RHOH: variants seen among roughly 807,000 people sequenced by gnomAD.
RHOH encodes rho-related GTP-binding protein RhoH.
In RHOH, 6 loss-of-function variants were observed where a neutral mutation model predicts 13.8. That is an observed-to-expected ratio of 0.44 (90% confidence interval 0.24 to 0.86). RHOH has a LOEUF of 0.86. Ranked by LOEUF, RHOH falls within the 40% of genes least tolerant of loss-of-function variation. The pLI is 0.24. For synonymous variants in RHOH, 117 were observed against 103.0 expected (o/e 1.14, Z -0.82); for missense variants, 147 against 244.5 (o/e 0.60, Z 2.66).
At chr4:40,204,056 C>T (rs186056605) in intron 1 of RHOH, among the ~76,000 whole-genome samples, 1 of 152,192 alleles carries the variant, frequency 6.6e-6, no homozygotes, top group African/African-American at 2.4e-5. Flanking sequence ...AACAATTAGA[C>T]TTATGCCACA....
chr4:40,239,523 G>GACT (rs1235415902), intron 1 of RHOH, among the ~76,000 whole-genome samples: 1 of 152,092 alleles, frequency 6.6e-6, no homozygotes, highest in African/African-American at 2.4e-5. Flanking sequence ...TATTAATAGG[G>GACT]ACTACTTACT....
chr4:40,225,361 T>A (rs1209773398), intron 1 of RHOH, among the ~76,000 whole-genome samples: 1 of 152,058 alleles, frequency 6.6e-6, no homozygotes, highest in African/African-American at 2.4e-5. Context: ...TCTGGGATTA[T>A]AGATGTCGGC....
chr4:40,236,729 T>G (rs1728625143), intron 1 of RHOH, among the ~76,000 whole-genome samples: 1 of 151,040 alleles, frequency 6.6e-6, no homozygotes, highest in African/African-American at 2.4e-5. Flanking sequence ...GAGGTGGAGG[T>G]TGCAGTGAGC....
intron 1 of RHOH, among the ~76,000 whole-genome samples, chr4:40,210,434 A>G (rs572118522): frequency 2.8e-4 from 42 of 152,206 alleles, no homozygotes; most frequent in Non-Finnish European, 5.4e-4. Flanking sequence ...TTCAAGACGC[A>G]CGGGAAGGTT....
At chr4:40,216,271 C>T (rs1416792016) in intron 1 of RHOH, among the ~76,000 whole-genome samples, 1 of 151,632 alleles carries the variant, frequency 6.6e-6, no homozygotes, top group Admixed American at 6.6e-5. Flanking sequence ...GAGTTTGAGA[C>T]CAGCCTGGCC....
Position 40,246,082 on chromosome 4 carries a change from G to A in RHOH, c.*2120G>A, listed in dbSNP as rs1161299550. ...GCTTGAAAGATGACCGGGCAGGGGA[G>A]GGGAAGGGATCTCATATCCTCTGAT... On this transcript the variant is annotated 3_prime_UTR_variant, in exon 3 of 3. Coordinates refer to ENST00000381799, the MANE Select transcript of RHOH (RefSeq NM_004310.5). The A allele has an allele frequency of 6.6e-6, 1 of 152,206 alleles. No homozygotes were observed. The highest frequency in any genetic ancestry group is 2.4e-5 in the African/African-American group (1 of 41,444). 9.4% of individuals were successfully genotyped at this position (152,206 alleles called of 1,614,324 possible). A position where few individuals can be genotyped will look rare whatever the true frequency, so the allele number is the denominator to read the frequency against.
chr4:40,235,156 T>A (rs1226944388), intron 1 of RHOH: 2 of 152,354 alleles, frequency 1.3e-5, no homozygotes, highest in South Asian at 2.1e-4. Context: ...ACCTTATTTT[T>A]AAAAATGCTT....
intron 1 of RHOH, among the ~76,000 whole-genome samples, chr4:40,216,334 T>C (rs908926924): frequency 1.3e-5 from 2 of 151,896 alleles, no homozygotes; most frequent in Non-Finnish European, 2.9e-5. Context: ...CCGGGCGTGG[T>C]GGCAGGTGCC....
At chr4:40,193,444 C>T (rs916765314), upstream of RHOH, among the ~76,000 whole-genome samples, 61 of 135,046 alleles carry the variant, frequency 4.5e-4, no homozygotes, top group Admixed American at 4.5e-4. Flanking sequence ...TCACCACTAC[C>T]CCTGTCGGTT....
At chr4:40,231,468 T>C (rs78222281) in intron 1 of RHOH, among the ~76,000 whole-genome samples, 4,593 of 152,272 alleles carry the variant, frequency 0.03, 168 homozygotes, top group African/African-American at 0.073. Context: ...CCTTGTCATA[T>C]GACGGCAGCC....
At chr4:40,194,966 G>A (rs2109331670), upstream of RHOH, among the ~76,000 whole-genome samples, 1 of 152,262 alleles carries the variant, frequency 6.6e-6, no homozygotes, top group South Asian at 2.1e-4. Flanking sequence ...CAGCACTGGG[G>A]AGCCAGGAAG....
At chr4:40,214,213 T>G (rs1725619416) in intron 1 of RHOH, among the ~76,000 whole-genome samples, 1 of 152,316 alleles carries the variant, frequency 6.6e-6, no homozygotes, top group Non-Finnish European at 1.5e-5. Flanking sequence ...AAGGAAGCTT[T>G]CTGATGAATG....
chr4:40,202,439 T>G (rs1048355438), intron 1 of RHOH, among the ~76,000 whole-genome samples: 1 of 152,154 alleles, frequency 6.6e-6, no homozygotes, highest in Non-Finnish European at 1.5e-5. Flanking sequence ...ATAGTAGAAT[T>G]TGTTTTTATT....
At chr4:40,241,512 A>G (rs1729238974) in intron 1 of RHOH, among the ~76,000 whole-genome samples, 1 of 152,206 alleles carries the variant, frequency 6.6e-6, no homozygotes, top group Non-Finnish European at 1.5e-5. Context: ...AATATGTATC[A>G]TGTGAATTAT....
In RHOH at chr4:40,218,325, A is replaced by G. The variant is rs1726131917; in HGVS notation, c.-331+21025A>G. The G allele has an allele frequency of 6.6e-6, 1 of 152,222 alleles. No individual in the cohort carries two copies. The highest frequency in any genetic ancestry group is 1.5e-5 in the Non-Finnish European group (1 of 68,048). 9.4% of individuals were successfully genotyped at this position (152,222 alleles called of 1,614,324 possible). On this transcript the variant is annotated intron_variant, in intron 1 of 2. Transcript: ENST00000381799. The surrounding 1 kb of genome is among the most constrained non-coding windows in gnomAD (Gnocchi z 4.1). Reference sequence around the variant, plus strand: ...TATTTATTATATGCACGTTCTGTCTACAATGACCAGTGGACTCTAAACTGG... The same window carrying G: ...TATTTATTATATGCACGTTCTGTCTGCAATGACCAGTGGACTCTAAACTGG...
chr4:40,220,900 C>T (rs1032959118), intron 1 of RHOH, among the ~76,000 whole-genome samples: 1 of 152,136 alleles, frequency 6.6e-6, no homozygotes, highest in African/African-American at 2.4e-5. Flanking sequence ...TCTTTCTGAT[C>T]CTTAATCAGA....
In RHOH at chr4:40,198,240, G is replaced by A. The variant is rs143864524; in HGVS notation, c.-331+940G>A. 1.5e-3 allele frequency among the ~76,000 whole-genome samples: 227 copies of A among 152,284 alleles called. 1 individual carries two copies. The highest frequency in any genetic ancestry group is 5.3e-3 in the African/African-American group (221 of 41,550). On this transcript the variant is annotated intron_variant, in intron 1 of 2. Transcript: ENST00000381799. ...GGGCTTTGGAAGAATGCGAAGTGTCGGTAGAAGGAGAAGGGGCAGGTGATT... is the reference window on the plus strand; with the variant it reads ...GGGCTTTGGAAGAATGCGAAGTGTCAGTAGAAGGAGAAGGGGCAGGTGATT...
At chr4:40,202,942 T>TTTTA (rs747063162) in intron 1 of RHOH, among the ~76,000 whole-genome samples, 3 of 152,034 alleles carry the variant, frequency 2.0e-5, no homozygotes, top group Non-Finnish European at 4.4e-5. Flanking sequence ...GGTTCTCAAG[T>TTTTA]TTTATTTATT....
intron 1 of RHOH, among the ~76,000 whole-genome samples, chr4:40,217,530 A>AT (rs2109433160): frequency 6.6e-6 from 1 of 152,336 alleles, no homozygotes; most frequent in South Asian, 2.1e-4. Context: ...TTACTAAAAA[A>AT]TCAGGATTAC....
Sources: gnomAD v4.1 joint callset for allele counts (sites outside exome capture counted in the v4.1 genomes callset) on GRCh38, gnomAD v4.1.1 for gene constraint, Gnocchi (gnomAD v3.1) non-coding constraint, MANE v1.5 for transcripts, NCBI Gene and HGNC (gene_info 2026-07-23, HGNC 2026-07-21) for gene names.